XKR6: variants seen among roughly 807,000 people sequenced by gnomAD.
XKR6 encodes XK-related protein 6.
In XKR6, 22 loss-of-function variants were observed where a neutral mutation model predicts 56.7. The ratio of observed to expected loss-of-function variants is 0.39; its 90% confidence interval spans 0.28 to 0.55. XKR6 has a LOEUF of 0.55. XKR6 is among the 20% of genes least tolerant of loss of function. The pLI, the probability that XKR6 is intolerant of heterozygous loss-of-function variation, is 0.66. For synonymous variants in XKR6, 524 were observed against 387.8 expected (o/e 1.35, Z -4.13); for missense variants, 852 against 889.0 (o/e 0.96, Z 0.53).
At chr8:11,071,547 C>G (rs1012162936) in intron 1 of XKR6, among the ~76,000 whole-genome samples, 1 of 129,690 alleles carries the variant, frequency 7.7e-6, no homozygotes, top group Non-Finnish European at 1.6e-5. Context: ...AGTCTATGAG[C>G]CCCGAGTCCA....
intron 1 of XKR6, among the ~76,000 whole-genome samples, chr8:11,052,232 C>G (rs1799568108): frequency 6.6e-6 from 1 of 152,140 alleles, no homozygotes; most frequent in Non-Finnish European, 1.5e-5. Context: ...GTGCTCCTTC[C>G]CACCACCGAG....
chr8:11,090,608 G>C lies in XKR6; in HGVS notation c.764+109968C>G, dbSNP rs373200850. ...GATAGATATGAAACAGTATGTTATT[G>C]TTTTAATTGCATTTTTCTGGATTGC... is the stretch of plus-strand genomic sequence containing the variant. On this transcript the variant is annotated intron_variant, in intron 1 of 2. Transcript: ENST00000416569. Among the ~76,000 whole-genome samples, 13 of 152,200 alleles carry C rather than the reference G, an allele frequency of 8.5e-5. No homozygotes were observed. In the South Asian group the frequency reaches 2.5e-3, roughly 29 times the overall value.
intron 1 of XKR6, among the ~76,000 whole-genome samples, chr8:11,096,193 G>A (rs530317549): frequency 6.6e-6 from 1 of 152,316 alleles, no homozygotes; most frequent in South Asian, 2.1e-4. Context: ...AAGCAGAGAT[G>A]TATACAAAGA....
At chr8:10,948,329 T>C (rs1227161043) in intron 1 of XKR6, among the ~76,000 whole-genome samples, 2 of 152,142 alleles carry the variant, frequency 1.3e-5, no homozygotes, top group Admixed American at 1.3e-4. Context: ...ATGCAGCTGT[T>C]GGTCCTGTGG....
At chr8:11,024,049 A>G (rs1035046200) in intron 1 of XKR6, among the ~76,000 whole-genome samples, 2 of 152,212 alleles carry the variant, frequency 1.3e-5, no homozygotes, top group African/African-American at 4.8e-5. Flanking sequence ...AAGACATGGC[A>G]CATCCCGAAG....
rs143942818 is a variant in XKR6, at chr8:11,130,800, A to G, written c.764+69776T>C. On this transcript the variant is annotated intron_variant, in intron 1 of 2. Coordinates refer to ENST00000416569, the MANE Select transcript of XKR6 (RefSeq NM_173683.4). The stretch of plus-strand genomic sequence containing the variant: ...CCTTTGTAAAGAACACTGGACCCAC[A>G]TATGTGCACACCTCCCAGAATCAAC... 4.5e-3 allele frequency among the ~76,000 whole-genome samples: 688 copies of G among 152,152 alleles called. 7 individuals carry two copies. Among genetic ancestry groups the G allele is most frequent in the African/African-American group, 0.013 (559 of 41,460 alleles).
At chr8:10,926,180 G>GACT (rs1800876974) in intron 1 of XKR6, among the ~76,000 whole-genome samples, 2 of 152,172 alleles carry the variant, frequency 1.3e-5, no homozygotes, top group Non-Finnish European at 2.9e-5. Context: ...ACACACTCAG[G>GACT]GCTGCCGGAT....
At chr8:11,175,181 G>C (rs939539540) in intron 1 of XKR6, 1 of 152,644 alleles carries the variant, frequency 6.6e-6, no homozygotes, top group Non-Finnish European at 1.5e-5. Context: ...AAAGCCACCA[G>C]GTAACTGAAA....
chr8:10,963,552 T>C (rs1033886923), intron 1 of XKR6, among the ~76,000 whole-genome samples: 2 of 152,028 alleles, frequency 1.3e-5, no homozygotes, highest in African/African-American at 4.8e-5. Flanking sequence ...CTTCCTTTTT[T>C]TTTTTTTGAG....
At chr8:11,196,664 C>G (rs147544790) in intron 1 of XKR6, among the ~76,000 whole-genome samples, 1 of 152,236 alleles carries the variant, frequency 6.6e-6, no homozygotes, top group Non-Finnish European at 1.5e-5. Flanking sequence ...GTGGAATAAG[C>G]CTGAAATCCA....
In XKR6 at chr8:11,129,227, G is replaced by C. The variant is rs548814264; in HGVS notation, c.764+71349C>G. On this transcript the variant is annotated intron_variant, in intron 1 of 2. Coordinates refer to ENST00000416569, the MANE Select transcript of XKR6 (RefSeq NM_173683.4). ...ACATACTCTTACACGCCACTGAATT[G>C]TTCATTTTACAATGGTTAATTGTAT... 8.5e-5 allele frequency among the ~76,000 whole-genome samples: 13 copies of C among 152,262 alleles called. No individual in the cohort carries two copies. The South Asian group carries it at 2.7e-3, about 32-fold the overall frequency.
At chr8:10,926,973 GGA>G (rs1448390154) in intron 1 of XKR6, among the ~76,000 whole-genome samples, 2 of 152,188 alleles carry the variant, frequency 1.3e-5, no homozygotes, top group African/African-American at 4.8e-5. Flanking sequence ...AGACACACAC[GGA>G]GAGACACAGA....
chr8:11,015,416 G>C (rs889553601), intron 1 of XKR6, among the ~76,000 whole-genome samples: 24 of 152,106 alleles, frequency 1.6e-4, no homozygotes, highest in African/African-American at 5.1e-4. Context: ...TAGCAACAAG[G>C]ACGTGTCTAA....
intron 1 of XKR6, among the ~76,000 whole-genome samples, chr8:11,005,615 T>C (rs1187939070): frequency 2.0e-5 from 3 of 152,170 alleles, no homozygotes; most frequent in African/African-American, 7.2e-5. Flanking sequence ...CGAGTGTGTA[T>C]TAACATGCAA....
intron 1 of XKR6, among the ~76,000 whole-genome samples, chr8:10,980,516 C>T (rs542584614): frequency 1.2e-4 from 19 of 152,254 alleles, no homozygotes; most frequent in Admixed American, 2.6e-4. Flanking sequence ...ACAGCAGGAA[C>T]GTGCCTAGCA....
At chr8:11,036,398 C>T (rs1799144789) in intron 1 of XKR6, among the ~76,000 whole-genome samples, 1 of 152,174 alleles carries the variant, frequency 6.6e-6, no homozygotes, top group Admixed American at 6.5e-5. Context: ...AGAATAACCC[C>T]AAAGATATCT....
chr8:10,959,660 C>T (rs2129130020), intron 1 of XKR6, among the ~76,000 whole-genome samples: 1 of 152,246 alleles, frequency 6.6e-6, no homozygotes, highest in South Asian at 2.1e-4. Flanking sequence ...TCATGTAAAC[C>T]CTTGATTTCC....
intron 1 of XKR6, among the ~76,000 whole-genome samples, chr8:11,165,959 G>GT (rs943836510): frequency 0.01 from 1,419 of 140,886 alleles, 8 homozygotes; most frequent in African/African-American, 0.016. Context: ...AGTTTTTTGG[G>GT]TTTTTTTTTT....
chr8:10,965,529 A>C (rs988819230), intron 1 of XKR6, among the ~76,000 whole-genome samples: 2 of 152,216 alleles, frequency 1.3e-5, no homozygotes, highest in African/African-American at 4.8e-5. Context: ...TTCTCGGTAC[A>C]TACTCATCGT....
Sources: gnomAD v4.1 joint callset for allele counts (sites outside exome capture counted in the v4.1 genomes callset) on GRCh38, gnomAD v4.1.1 for gene constraint, MANE v1.5 for transcripts, NCBI Gene and HGNC (gene_info 2026-07-23, HGNC 2026-07-21) for gene names.